The following HPSE2 variants were observed in gnomAD, a reference collection of about 807,000 sequenced individuals.
HPSE2 encodes the protein inactive heparanase-2.
In HPSE2, 38 loss-of-function variants were observed where a neutral mutation model predicts 60.5. The observed-to-expected ratio is 0.63, with a 90% confidence interval of 0.48 to 0.82. HPSE2 has a LOEUF of 0.82. Ranked by LOEUF, HPSE2 falls within the 40% of genes least tolerant of loss-of-function variation. The pLI, the probability that HPSE2 is intolerant of heterozygous loss-of-function variation, is 0.00. For synonymous variants in HPSE2, 295 were observed against 293.2 expected, an observed-to-expected ratio of 1.01 and a Z score of -0.06; for missense variants, 713 against 740.4, an observed-to-expected ratio of 0.96 and a Z score of 0.43.
chr10:99,137,631 C>T (rs986106088), intron 3 of HPSE2, among the ~76,000 whole-genome samples: 50 of 152,190 alleles, frequency 3.3e-4, no homozygotes, highest in African/African-American at 1.2e-3. Flanking sequence ...CTGACACAAA[C>T]AAGCAATGGG....
chr10:98,726,653 T>G, intron 4 of HPSE2, among the ~76,000 whole-genome samples: 1 of 147,750 alleles, frequency 6.8e-6, no homozygotes, highest in Non-Finnish European at 1.5e-5. Flanking sequence ...ATAATAATAA[T>G]AATAATAATA....
chr10:99,225,867 T>C (rs1160310387), intron 2 of HPSE2, among the ~76,000 whole-genome samples: 1 of 152,072 alleles, frequency 6.6e-6, no homozygotes, highest in Non-Finnish European at 1.5e-5. Flanking sequence ...TACTTTCTTT[T>C]TCTTCTTCTT....
At chr10:98,833,611 T>C (rs1481158096) in intron 3 of HPSE2, among the ~76,000 whole-genome samples, 1 of 152,200 alleles carries the variant, frequency 6.6e-6, no homozygotes, top group African/African-American at 2.4e-5. Flanking sequence ...ATCTTTATTT[T>C]ACCAATGGGG....
the HPSE2 span, among the ~76,000 whole-genome samples, chr10:99,245,169 A>G: frequency 1.3e-5 from 2 of 152,094 alleles, no homozygotes; most frequent in African/African-American, 4.8e-5. Context: ...TCCCCTTTCA[A>G]GTAGAAATGA....
At chr10:98,857,728 T>C (rs1190998969) in intron 3 of HPSE2, among the ~76,000 whole-genome samples, 1 of 152,170 alleles carries the variant, frequency 6.6e-6, no homozygotes, top group Non-Finnish European at 1.5e-5. Context: ...GAAGTACTAA[T>C]AATGGAGGGA....
chr10:99,082,538 C>A (rs140674835), intron 3 of HPSE2, among the ~76,000 whole-genome samples: 1 of 152,324 alleles, frequency 6.6e-6, no homozygotes, highest in African/African-American at 2.4e-5. Context: ...ACCCTACTTT[C>A]ATCTACCTTA....
the HPSE2 span, among the ~76,000 whole-genome samples, chr10:99,283,183 C>T: frequency 8.2e-6 from 1 of 122,678 alleles, no homozygotes; most frequent in Non-Finnish European, 1.6e-5. Context: ...AAGACTCCGT[C>T]TCAGGTTAAA....
the HPSE2 span, among the ~76,000 whole-genome samples, chr10:99,260,810 T>C: frequency 6.6e-6 from 1 of 152,166 alleles, no homozygotes. Context: ...TCTGCCTTTC[T>C]CTTTAAACTT....
At chr10:98,903,557 C>T (rs1454878499) in intron 3 of HPSE2, among the ~76,000 whole-genome samples, 3 of 152,108 alleles carry the variant, frequency 2.0e-5, no homozygotes, top group African/African-American at 4.8e-5. Flanking sequence ...CTCTCTCTCT[C>T]GTTTCTTGCT....
At chr10:99,315,566 A>C in the HPSE2 span, among the ~76,000 whole-genome samples, 2 of 152,186 alleles carry the variant, frequency 1.3e-5, no homozygotes, top group Non-Finnish European at 2.9e-5. Context: ...GAAGGAATGG[A>C]ATGAAGACAG....
rs569587125 is a variant in HPSE2, at chr10:98,826,043, T to C, written c.611-81987A>G. ...TTACTTGCAGCTGACAGCATTCATT[T>C]TCAGTCATTTAACACATCATTGTAG... On this transcript the variant is annotated intron_variant, in intron 3 of 11. Transcript: ENST00000370552. 1.1e-4 allele frequency among the ~76,000 whole-genome samples: 17 copies of C among 152,344 alleles called. No homozygotes were observed. The South Asian group carries it at 3.5e-3, about 32-fold the overall frequency.
chr10:98,611,040 G>A (rs1463690418), intron 9 of HPSE2, among the ~76,000 whole-genome samples: 1 of 150,990 alleles, frequency 6.6e-6, no homozygotes, highest in Non-Finnish European at 1.5e-5. Flanking sequence ...AAGGGAGCCC[G>A]TGACTGACTG....
chr10:99,077,925 A>G (rs984464278), intron 3 of HPSE2, among the ~76,000 whole-genome samples: 1 of 152,124 alleles, frequency 6.6e-6, no homozygotes, highest in Non-Finnish European at 1.5e-5. Flanking sequence ...ATCCCTCACG[A>G]GTGGCTTCAT....
rs1305373100 is a variant in HPSE2, at chr10:98,938,423, C to T, written c.611-194367G>A. Among the ~76,000 whole-genome samples, 36 of 144,020 alleles carry T rather than the reference C, an allele frequency of 2.5e-4. 8 individuals are homozygous for T. Among genetic ancestry groups the T allele is most frequent in the Non-Finnish European group, 4.0e-4 (27 of 67,214 alleles). The allele number at this position is 144,020 out of a possible 152,430, so 94.5% of individuals were successfully genotyped here. On this transcript the variant is annotated intron_variant, in intron 3 of 11. Transcript: ENST00000370552. ...GCTGATGGAGCTGAAAGCCAAGGCTCGAGAACTACGTGAAGAATGCAGAAG... is the reference window on the plus strand; with the variant it reads ...GCTGATGGAGCTGAAAGCCAAGGCTTGAGAACTACGTGAAGAATGCAGAAG...
chr10:98,860,838 C>A (rs1046815025), intron 3 of HPSE2, among the ~76,000 whole-genome samples: 1 of 152,080 alleles, frequency 6.6e-6, no homozygotes, highest in Non-Finnish European at 1.5e-5. Context: ...GTTTTATGAG[C>A]CCTCTATTTG....
intron 3 of HPSE2, among the ~76,000 whole-genome samples, chr10:98,934,254 A>C (rs1012747620): frequency 6.9e-6 from 1 of 144,010 alleles, no homozygotes; most frequent in African/African-American, 2.8e-5. Flanking sequence ...TCTTTTAATC[A>C]GGGCATTTTG....
chr10:99,295,911 G>A, the HPSE2 span, among the ~76,000 whole-genome samples: 1 of 152,158 alleles, frequency 6.6e-6, no homozygotes, highest in Non-Finnish European at 1.5e-5. Context: ...TGAAGTACAG[G>A]CCAGCATAAC....
At chr10:99,158,707 T>G (rs1846692489) in intron 2 of HPSE2, among the ~76,000 whole-genome samples, 1 of 149,406 alleles carries the variant, frequency 6.7e-6, no homozygotes, top group South Asian at 2.1e-4. Flanking sequence ...GTAACTAACC[T>G]GCACAATGTG....
intron 3 of HPSE2, among the ~76,000 whole-genome samples, chr10:98,876,751 T>C (rs1224634650): frequency 6.6e-6 from 1 of 151,868 alleles, no homozygotes; most frequent in Non-Finnish European, 1.5e-5. Flanking sequence ...GCTGACTCAC[T>C]AGAGAGCTCT....
Sources: allele counts gnomAD v4.1 joint callset (sites outside exome capture counted in the v4.1 genomes callset), GRCh38; gene constraint gnomAD v4.1.1; transcripts MANE v1.5; gene names NCBI Gene and HGNC (gene_info 2026-07-23, HGNC 2026-07-21).